The following MARK1 variants were observed in gnomAD, a reference collection of about 807,000 sequenced individuals.
The protein encoded by MARK1 is microtubule affinity regulating kinase 1.
MARK1 carries 40 observed loss-of-function variants against 96.3 expected under a neutral mutation model. The observed-to-expected ratio is 0.42, with a 90% confidence interval of 0.32 to 0.54. The LOEUF (loss-of-function observed/expected upper bound fraction) is 0.54, where lower values mean the gene tolerates loss of function less well. Ranked by LOEUF, MARK1 falls within the 20% of genes least tolerant of loss-of-function variation. The pLI is 0.16. For missense variants in MARK1, 719 were observed against 984.6 expected (o/e 0.73, Z 3.61); for synonymous variants, 317 against 341.2 (o/e 0.93, Z 0.78).
chr1:220,582,101 T>C (rs1443018350), intron 3 of MARK1, among the ~76,000 whole-genome samples: 1 of 152,206 alleles, frequency 6.6e-6, no homozygotes, highest in Non-Finnish European at 1.5e-5. Context: ...AAATTTAGAT[T>C]TGTGATATTC....
chr1:220,550,501 C>T (rs1291969649), intron 1 of MARK1, among the ~76,000 whole-genome samples: 2 of 152,080 alleles, frequency 1.3e-5, no homozygotes, highest in African/African-American at 2.4e-5. Flanking sequence ...TACAGGCGTG[C>T]GCCACCACAC....
intron 1 of MARK1, among the ~76,000 whole-genome samples, chr1:220,555,091 G>A (rs187206511): frequency 6.6e-6 from 1 of 152,232 alleles, no homozygotes; most frequent in East Asian, 1.9e-4. Context: ...CACAGAATGG[G>A]TTTGGGGACC....
chr1:220,566,928 T>G (rs1437291119), intron 1 of MARK1, among the ~76,000 whole-genome samples: 2 of 152,172 alleles, frequency 1.3e-5, no homozygotes, highest in Non-Finnish European at 2.9e-5. Context: ...TACTTAATAG[T>G]CTTTTGTTTA....
intron 1 of MARK1, among the ~76,000 whole-genome samples, chr1:220,573,231 C>T (rs1663593814): frequency 6.6e-6 from 1 of 151,724 alleles, no homozygotes; most frequent in Non-Finnish European, 1.5e-5. Flanking sequence ...TTTTTTCTAC[C>T]CTATTTTCTT....
At chr1:220,613,659 G>A (rs931980202) in intron 6 of MARK1, among the ~76,000 whole-genome samples, 1 of 152,108 alleles carries the variant, frequency 6.6e-6, no homozygotes, top group African/African-American at 2.4e-5. Context: ...ACATATAAAT[G>A]TATGTATCTT....
intron 1 of MARK1, among the ~76,000 whole-genome samples, chr1:220,572,938 A>G (rs1663574584): frequency 6.6e-6 from 1 of 151,960 alleles, no homozygotes; most frequent in Non-Finnish European, 1.5e-5. Context: ...CTTGCATTTG[A>G]TTTTTCTATA....
intron 1 of MARK1, among the ~76,000 whole-genome samples, chr1:220,573,334 A>T (rs537016161): frequency 4.0e-5 from 6 of 151,566 alleles, no homozygotes; most frequent in South Asian, 2.1e-4. Flanking sequence ...TTATTTATTT[A>T]TTTTTTTGAG....
Position 220,597,759 on chromosome 1 carries a change from A to G in MARK1, c.310-572A>G, listed in dbSNP as rs531334136. Among the ~76,000 whole-genome samples, 60 of 152,312 alleles carry G rather than the reference A, an allele frequency of 3.9e-4. No individual in the cohort carries two copies. The East Asian group carries it at 0.011, about 28-fold the overall frequency. ...TTGTTTAAAAAGTAAAATGAAAAGG[A>G]GGAAAATTTTAACATTTGTGTTTCA... On this transcript the variant is annotated intron_variant, in intron 3 of 17. Transcript: ENST00000366917.
At chr1:220,545,553 C>A (rs2102725493) in intron 1 of MARK1, among the ~76,000 whole-genome samples, 1 of 150,080 alleles carries the variant, frequency 6.7e-6, no homozygotes, top group East Asian at 2.0e-4. Context: ...CCATCCGCCT[C>A]AGCCTCCTGA....
Position 220,604,124 on chromosome 1 carries a change from C to CA in MARK1, c.486dup (p.Phe163IlefsTer2), listed in dbSNP as rs1166947043. ...AGAATGAAAGAGAAAGAGGCCCGTG[C>CA]AAAATTTAGGCAGGTATGGAAAGTA... On this transcript the variant is annotated frameshift_variant, in exon 6 of 18. Coordinates refer to ENST00000366917, the MANE Select transcript of MARK1 (RefSeq NM_018650.5). LOFTEE classifies it high-confidence loss of function. 1 of 1,609,848 alleles carries CA rather than the reference C, an allele frequency of 6.2e-7. No individual in the cohort carries two copies. Among genetic ancestry groups the CA allele is most frequent in the Non-Finnish European group, 8.5e-7 (1 of 1,177,390 alleles).
In MARK1 at chr1:220,587,277, T is replaced by TTTCC. The variant is rs1012243945; in HGVS notation, c.309+6181_309+6184dup. On this transcript the variant is annotated intron_variant, in intron 3 of 17. Transcript: ENST00000366917. ...TCTCCTTTCCTTCCTTCCTTCCTTC[T>TTTCC]TTCCTTCCTTCCTTCCTTCCTTCCT... is the stretch of plus-strand genomic sequence containing the variant. 1.4e-3 allele frequency among the ~76,000 whole-genome samples: 214 copies of TTTCC among 150,596 alleles called. 2 individuals carry two copies. The highest frequency in any genetic ancestry group is 2.7e-3 in the East Asian group (14 of 5,098).
At chr1:220,622,796 G>A (rs1005697735) in intron 9 of MARK1, among the ~76,000 whole-genome samples, 1 of 152,120 alleles carries the variant, frequency 6.6e-6, no homozygotes, top group African/African-American at 2.4e-5. Flanking sequence ...GAAGCACGAG[G>A]ATTGCTTGAG....
At chr1:220,642,095 C>T (rs534630171) in intron 13 of MARK1, among the ~76,000 whole-genome samples, 5 of 152,290 alleles carry the variant, frequency 3.3e-5, no homozygotes, top group African/African-American at 1.2e-4. Flanking sequence ...TTGTCCACTC[C>T]CGTGGAAAGG....
chr1:220,627,572 G>A, intron 9 of MARK1: 1 of 309,132 alleles, frequency 3.2e-6, no homozygotes, highest in Non-Finnish European at 6.4e-6. Flanking sequence ...AATATCCCCA[G>A]GGACTAGACA....
In MARK1 at chr1:220,635,829, A is replaced by G. The variant is rs1335426657; in HGVS notation, c.1277-4A>G. 4 of 1,558,138 alleles carry G rather than the reference A, an allele frequency of 2.6e-6. No individual in the cohort carries two copies. Among genetic ancestry groups the G allele is most frequent in the Non-Finnish European group, 3.5e-6 (4 of 1,157,828 alleles). On this transcript the variant is annotated splice_region_variant and splice_polypyrimidine_tract_variant and intron_variant, in intron 12 of 17. Transcript: ENST00000366917. ...TCATTATGCTATTTTTAAAAAAATT[A>G]TAGCTGGTCCATCCATTCCTCCTGC...
chr1:220,576,826 A>G (rs1379885496), intron 1 of MARK1: 1 of 152,218 alleles, frequency 6.6e-6, no homozygotes, highest in African/African-American at 2.4e-5. Context: ...CAGACCATGG[A>G]CAAGTACTTA....
chr1:220,563,186 C>T (rs1353997724), intron 1 of MARK1, among the ~76,000 whole-genome samples: 1 of 152,050 alleles, frequency 6.6e-6, no homozygotes, highest in Non-Finnish European at 1.5e-5. Flanking sequence ...AAGGGAAAAT[C>T]CTTTCAAGCA....
chr1:220,563,680 T>C (rs139279387), intron 1 of MARK1, among the ~76,000 whole-genome samples: 41 of 152,276 alleles, frequency 2.7e-4, no homozygotes, highest in East Asian at 1.5e-3. Flanking sequence ...GAAGAAGATA[T>C]TATCATTCAT....
intron 6 of MARK1, among the ~76,000 whole-genome samples, chr1:220,605,614 C>G (rs2102926396): frequency 6.6e-6 from 1 of 151,842 alleles, no homozygotes; most frequent in South Asian, 2.1e-4. Flanking sequence ...TTGCTGCACC[C>G]ATCAACTCAT....
Sources: gnomAD v4.1 joint callset for allele counts (sites outside exome capture counted in the v4.1 genomes callset) on GRCh38, gnomAD v4.1.1 for gene constraint, MANE v1.5 for transcripts, NCBI Gene and HGNC (gene_info 2026-07-23, HGNC 2026-07-21) for gene names.